Variants in PLEKHA5 observed in about 807,000 individuals in gnomAD.
PLEKHA5 encodes the protein pleckstrin homology domain containing A5.
Under a neutral mutation model 181.9 loss-of-function variants are expected in PLEKHA5, and 55 were observed. That is an observed-to-expected ratio of 0.30 (90% CI 0.24 to 0.38). PLEKHA5 has a LOEUF of 0.38. PLEKHA5 is among the 10% of genes least tolerant of loss of function. PLEKHA5 has a pLI of 1.00. For synonymous variants in PLEKHA5, 535 were observed against 529.4 expected, an observed-to-expected ratio of 1.01 and a Z score of -0.15; for missense variants, 1,432 against 1,549.5, an observed-to-expected ratio of 0.92 and a Z score of 1.27.
At chr12:19,345,233 C>T (rs912009546) in intron 22 of PLEKHA5, among the ~76,000 whole-genome samples, 8 of 151,658 alleles carry the variant, frequency 5.3e-5, no homozygotes, top group African/African-American at 1.9e-4. Context: ...GACCCCATCT[C>T]TACTAAAAAT....
Position 19,269,905 on chromosome 12 carries a change from A to G in PLEKHA5, c.827+20A>G, listed in dbSNP as rs754275310. 10 of 1,263,528 alleles carry G rather than the reference A, an allele frequency of 7.9e-6. No individual in the cohort carries two copies. The highest frequency in any genetic ancestry group is 1.2e-5 in the South Asian group (1 of 82,520). 78.3% of individuals were successfully genotyped at this position (1,263,528 alleles called of 1,614,324 possible). On this transcript the variant is annotated intron_variant, in intron 9 of 31. Transcript: ENST00000429027. ...GAAAAGGTAAAGGCTTGTAGAAAAA[A>G]TGATGGTGATTTCCACTTCCATTTT...
At chr12:19,180,156 C>T (rs894360556) in intron 3 of PLEKHA5, among the ~76,000 whole-genome samples, 17 of 152,074 alleles carry the variant, frequency 1.1e-4, no homozygotes, top group African/African-American at 3.6e-4. Context: ...GAAATGCCAG[C>T]GGTAGTAAGC....
intron 15 of PLEKHA5, among the ~76,000 whole-genome samples, chr12:19,309,851 T>C (rs2085794138): frequency 6.6e-6 from 1 of 152,202 alleles, no homozygotes; most frequent in Non-Finnish European, 1.5e-5. Flanking sequence ...TGCAAAGTAG[T>C]TAGGCAACTG....
chr12:19,313,834 A>G (rs1276384718), intron 15 of PLEKHA5, among the ~76,000 whole-genome samples: 1 of 152,140 alleles, frequency 6.6e-6, no homozygotes, highest in Admixed American at 6.6e-5. Flanking sequence ...CTAGAAAAAG[A>G]GTTTTAAGAT....
chr12:19,331,927 A>T (rs1221348934), intron 20 of PLEKHA5, among the ~76,000 whole-genome samples: 3 of 152,100 alleles, frequency 2.0e-5, no homozygotes, highest in Non-Finnish European at 4.4e-5. Context: ...CCAAGGTGGG[A>T]GGATTGCTTG....
intron 3 of PLEKHA5, chr12:19,151,784 T>A (rs2040441971): frequency 6.6e-6 from 1 of 151,712 alleles, no homozygotes; most frequent in African/African-American, 2.4e-5. Context: ...AATTCAAAGA[T>A]CTAAGCCTGG....
intron 15 of PLEKHA5, among the ~76,000 whole-genome samples, chr12:19,302,906 A>ATTTTTTTTTTTTTTTTTTTTTTTTT (rs34702332): frequency 1.9e-5 from 1 of 53,966 alleles, no homozygotes; most frequent in African/African-American, 7.5e-5. Context: ...TCTGTATGAA[A>ATTTTTTTTTTTTTTTTTTTTTTTTT]TTTTTTTTTT....
chr12:19,325,519 C>T lies in PLEKHA5; in HGVS notation c.2448+2852C>T, dbSNP rs902395006. ...ACTGGCTGACACGGTGAAACCCCGC[C>T]TCTAATAAAAATACAAAAATTAGCC... On this transcript the variant is annotated intron_variant, in intron 20 of 31. Coordinates refer to ENST00000429027, the MANE Select transcript of PLEKHA5 (RefSeq NM_001256470.2). 8.6e-4 allele frequency among the ~76,000 whole-genome samples: 131 copies of T among 151,780 alleles called. 1 individual carries two copies. The highest frequency in any genetic ancestry group is 2.6e-4 in the Non-Finnish European group (18 of 67,968).
At chr12:19,262,492 G>A (rs1434871425) in intron 7 of PLEKHA5, among the ~76,000 whole-genome samples, 1 of 152,126 alleles carries the variant, frequency 6.6e-6, no homozygotes, top group Non-Finnish European at 1.5e-5. Context: ...ACCTGCCTCA[G>A]CCTCCCAAAG....
At chr12:19,243,886 T>C (rs2152469316) in intron 3 of PLEKHA5, among the ~76,000 whole-genome samples, 1 of 152,340 alleles carries the variant, frequency 6.6e-6, no homozygotes, top group Admixed American at 6.5e-5. Flanking sequence ...TTTCTTTTGT[T>C]CTTAAAACAT....
intron 25 of PLEKHA5, among the ~76,000 whole-genome samples, chr12:19,351,753 A>G (rs1033171569): frequency 2.6e-5 from 4 of 152,140 alleles, no homozygotes; most frequent in Admixed American, 6.6e-5. Flanking sequence ...TACAACAAAT[A>G]TAATTGGACT....
chr12:19,341,550 T>G (rs2093929281), intron 21 of PLEKHA5, among the ~76,000 whole-genome samples: 2 of 152,070 alleles, frequency 1.3e-5, no homozygotes, highest in Non-Finnish European at 2.9e-5. Context: ...CTTTCTTTTT[T>G]TTTACTTTTT....
chr12:19,311,455 A>C (rs1311108461), intron 15 of PLEKHA5, among the ~76,000 whole-genome samples: 1 of 151,932 alleles, frequency 6.6e-6, no homozygotes, highest in Non-Finnish European at 1.5e-5. Context: ...AAAATTAAAA[A>C]AAAAAAAAAA....
At chr12:19,369,937 G>A (rs2095534511) in intron 31 of PLEKHA5, 139 bp downstream of exon 31, 2 of 459,522 alleles carry the variant, frequency 4.4e-6, no homozygotes, top group South Asian at 4.4e-5. Context: ...GGCATATCTT[G>A]GAACCAGGGT....
At chr12:19,370,899 C>T (rs749531213) in intron 31 of PLEKHA5, 6 of 151,916 alleles carry the variant, frequency 3.9e-5, no homozygotes, top group South Asian at 4.1e-4. Flanking sequence ...AAGTTGTCCA[C>T]GCTGGTCTCA....
chr12:19,286,848 C>T (rs2152820683), intron 12 of PLEKHA5, among the ~76,000 whole-genome samples: 1 of 151,650 alleles, frequency 6.6e-6, no homozygotes, highest in South Asian at 2.1e-4. Flanking sequence ...CGCCTGTAAT[C>T]CCAGCTACTT....
chr12:19,349,089 TTTGTTGTTGTTGTTGTTG>T (rs146606952), intron 25 of PLEKHA5, among the ~76,000 whole-genome samples: 2 of 144,816 alleles, frequency 1.4e-5, no homozygotes, highest in Non-Finnish European at 3.0e-5. Flanking sequence ...GGTGGTTGTT[TTTGTTGTTGTTGTTGTTG>T]TTGTTGTTGT....
chr12:19,145,867 G>A (rs1002460720), intron 3 of PLEKHA5, among the ~76,000 whole-genome samples: 2 of 152,062 alleles, frequency 1.3e-5, no homozygotes, highest in African/African-American at 2.4e-5. Flanking sequence ...GCTAAACCCC[G>A]TAAGTAGAGT....
chr12:19,226,031 C>T (rs1408457773), intron 3 of PLEKHA5, among the ~76,000 whole-genome samples: 3 of 152,086 alleles, frequency 2.0e-5, no homozygotes, highest in East Asian at 1.9e-4. Context: ...AAATTCATAT[C>T]GTGTAAAAGT....
Sources: gnomAD v4.1 joint callset for allele counts (sites outside exome capture counted in the v4.1 genomes callset) on GRCh38, gnomAD v4.1.1 for gene constraint, MANE v1.5 for transcripts, NCBI Gene and HGNC (gene_info 2026-07-23, HGNC 2026-07-21) for gene names.